The following TELO2 variants were observed in gnomAD, a reference collection of about 807,000 sequenced individuals.
The protein encoded by TELO2 is telomere length regulation protein TEL2 homolog.
In TELO2, 71 loss-of-function variants were observed where a neutral mutation model predicts 91.0. The observed-to-expected ratio is 0.78, with a 90% CI of 0.64 to 0.95. The LOEUF (loss-of-function observed/expected upper bound fraction) is 0.95, where lower values mean the gene tolerates loss of function less well. Among genes scored for constraint, TELO2 ranks in the 40% least tolerant of loss-of-function variants. TELO2 has a pLI of 0.00. For synonymous variants in TELO2, 584 were observed against 518.9 expected (o/e 1.13, Z -1.71); for missense variants, 1,183 against 1,141.3 (o/e 1.04, Z -0.53).
chr16:1,500,801 C>G (rs1334040103), intron 9 of TELO2, 102 bp downstream of exon 9: 1 of 1,505,582 alleles, frequency 6.6e-7, no homozygotes, highest in Admixed American at 2.1e-5. Flanking sequence ...GGGGTCCAGA[C>G]TTGCGGAGCG....
Position 1,497,895 on chromosome 16 carries a change from A to C in TELO2, c.830+387A>C, listed in dbSNP as rs999747447. On this transcript the variant is annotated intron_variant, in intron 5 of 20. Transcript: ENST00000262319. The surrounding 1 kb of genome is among the most constrained non-coding windows in gnomAD (Gnocchi z 4.0). ...GGAGAATCAAGGTTGCATTTCTGGA[A>C]GCAGGACTGCCGGCCATTTACCCCC... Among the ~76,000 whole-genome samples, 2 of 152,138 alleles carry C rather than the reference A, an allele frequency of 1.3e-5. No individual in the cohort carries two copies. Among genetic ancestry groups the C allele is most frequent in the Admixed American group, 6.6e-5 (1 of 15,264 alleles).
At chr16:1,502,289 G>A (rs776417005) in intron 12 of TELO2, 24 bp from the exon 13 acceptor site, 6 of 1,585,750 alleles carry the variant, frequency 3.8e-6, no homozygotes, top group African/African-American at 2.7e-5. Flanking sequence ...GAGGCTGACC[G>A]AGGCCTCTCT....
At position 1,509,840 on chromosome 16, in the gene TELO2, G is replaced by C. The variant is rs771992003; in HGVS notation, c.2418G>C (p.Glu806Asp). ...ACTCTCGTCTGGCAGACGTGGCTGAGAAAGACCCGGACGAGGACTGCAGGA... is the reference window on the plus strand; with the variant it reads ...ACTCTCGTCTGGCAGACGTGGCTGACAAAGACCCGGACGAGGACTGCAGGA... ...EARSWLADVA[E>D]KDPDEDCRTL... The change falls in exon 21 of 21, where the codon GAG becomes GAC. Residue 806 changes from glutamate (E) to aspartate (D), a missense_variant. Glu to Asp is a conservative substitution (Grantham distance 45). Transcript: ENST00000262319. 1.2e-6 allele frequency: 2 copies of C among 1,611,848 alleles called. No individual in the cohort carries two copies. The highest frequency in any genetic ancestry group is 1.7e-5 in the Admixed American group (1 of 59,926).
chr16:1,497,622 T>A lies in TELO2; in HGVS notation c.830+114T>A. On this transcript the variant is annotated intron_variant, in intron 5 of 20. Transcript: ENST00000262319. The surrounding 1 kb of genome is among the most constrained non-coding windows in gnomAD (Gnocchi z 4.0). ...CGCCGTGCTGCAGCTGGCACCCCCA[T>A]GTAGGTGCCACAGGGTGTGGGTGGT... 1 of 1,392,284 alleles carries A rather than the reference T, an allele frequency of 7.2e-7. No homozygotes were observed. Among genetic ancestry groups the A allele is most frequent in the Non-Finnish European group, 9.5e-7 (1 of 1,050,794 alleles). The allele number at this position is 1,392,284 out of a possible 1,614,324, so 86.2% of individuals were successfully genotyped here. A position where few individuals can be genotyped will look rare whatever the true frequency, so the allele number is the denominator to read the frequency against.
chr16:1,500,290 C>G, intron 7 of TELO2, 57 bp from the exon 8 acceptor site: 1 of 1,534,172 alleles, frequency 6.5e-7, no homozygotes, highest in Non-Finnish European at 8.8e-7. Context: ...GGCTGTGGGC[C>G]TGGCGGGGAC....
chr16:1,505,477 C>T lies in TELO2; in HGVS notation c.1910C>T (p.Ser637Phe). The change falls in exon 16 of 21, where the codon TCC becomes TTC. Residue 637 changes from serine to phenylalanine, a missense_variant. By Grantham distance (155) the Ser-to-Phe change is radical (BLOSUM62 -2). Transcript: ENST00000262319. The surrounding 1 kb of genome is among the most constrained non-coding windows in gnomAD (Gnocchi z 4.3). ...GCLGRTPQPG[S>F]PSPNTPCLPE... The stretch of plus-strand genomic sequence containing the variant: ...CTCGGGAGGACTCCCCAACCTGGCT[C>T]CCCAAGTCCCAACACCCCGTGCCTG... 1 of 1,613,160 alleles carries T rather than the reference C, an allele frequency of 6.2e-7. No homozygotes were observed. The highest frequency in any genetic ancestry group is 8.5e-7 in the Non-Finnish European group (1 of 1,180,014).
At chr16:1,499,106 G>A (rs1198082606) in intron 5 of TELO2, 125 bp from the exon 6 acceptor site, 1 of 892,950 alleles carries the variant, frequency 1.1e-6, no homozygotes, top group African/African-American at 1.6e-5. Flanking sequence ...TGGAACCAGA[G>A]GCTCGTGGCT....
At position 1,499,296 on chromosome 16, in the gene TELO2, T is replaced by C. The variant is rs1381222589; in HGVS notation, c.896T>C (p.Met299Thr). 4.3e-6 allele frequency: 7 copies of C among 1,613,904 alleles called. No individual in the cohort carries two copies. The Admixed American group carries it at 6.7e-5, about 15-fold the overall frequency. ...VVKNKKAQFV[M>T]TQKLLFLQSR... ...AAGAACAAGAAGGCCCAGTTTGTGA[T>C]GACCCAGAAGCTTCTGTTCTTACAG... Residue 299 changes from methionine to threonine, a missense_variant, in exon 6 of 21, where the codon ATG becomes ACG. By Grantham distance (81) the Met-to-Thr change is moderately conservative. Transcript: ENST00000262319.
intron 20 of TELO2, 66 bp downstream of exon 20, chr16:1,507,782 G>T: frequency 7.7e-7 from 1 of 1,293,270 alleles, no homozygotes; most frequent in Non-Finnish European, 1.0e-6. Context: ...GTATGTGTGT[G>T]TGTGTGTGTG....
intron 3 of TELO2, among the ~76,000 whole-genome samples, chr16:1,496,397 C>T (rs1466508267): frequency 6.6e-6 from 1 of 152,252 alleles, no homozygotes; most frequent in Non-Finnish European, 1.5e-5. Context: ...TGAGCCCCTC[C>T]TGTCTTTTCC....
rs1340157275 is a variant in TELO2 at position 1,494,603 on chromosome 16, G to C, written c.322G>C (p.Glu108Gln). Residue 108 changes from glutamate to glutamine, a missense_variant, in exon 2 of 21, where the codon GAG becomes CAG. Transcript: ENST00000262319. The surrounding 1 kb of genome is among the most constrained non-coding windows in gnomAD (Gnocchi z 5.6). Reference protein sequence around the residue: ...QAFLVLMETIEGAAGPSFRLM... With the variant: ...QAFLVLMETIQGAAGPSFRLM... ...CTTCCTGGTGTTGATGGAGACCATC[G>C]AGGGTGCTGCGGGGTGAGTGGGCTG... 6.2e-7 allele frequency: 1 copy of C among 1,612,686 alleles called. No individual in the cohort carries two copies. The highest frequency in any genetic ancestry group is 1.7e-5 in the Admixed American group (1 of 59,934).
At chr16:1,506,125 GA>G in intron 16 of TELO2, 112 bp from the exon 17 acceptor site, 1 of 1,171,992 alleles carries the variant, frequency 8.5e-7, no homozygotes, top group Non-Finnish European at 1.2e-6. Flanking sequence ...GTAGCCCGGG[GA>G]GGCAAGGCGA....
In TELO2 at chr16:1,507,543, A is replaced by T; in HGVS notation, c.2292-58A>T. Reference sequence around the variant, plus strand: ...GTGGGTGGTCTGCCACACTGAGGGGAGTGGGAGGTCTGGGGTGTGGTCCCT... The same window carrying T: ...GTGGGTGGTCTGCCACACTGAGGGGTGTGGGAGGTCTGGGGTGTGGTCCCT... On this transcript the variant is annotated intron_variant, in intron 19 of 20. Coordinates refer to ENST00000262319, the MANE Select transcript of TELO2 (RefSeq NM_016111.4). 3 of 1,507,590 alleles carry T rather than the reference A, an allele frequency of 2.0e-6. No homozygotes were observed. In the South Asian group the frequency reaches 3.6e-5, roughly 18 times the overall value. 93.4% of individuals were successfully genotyped at this position (1,507,590 alleles called of 1,614,324 possible). A position where few individuals can be genotyped will look rare whatever the true frequency, so the allele number is the denominator to read the frequency against.
intron 9 of TELO2, among the ~76,000 whole-genome samples, chr16:1,500,933 C>T (rs550246506): frequency 5.1e-4 from 77 of 152,364 alleles, no homozygotes; most frequent in African/African-American, 1.7e-3. Context: ...TGGACACGTT[C>T]ACAGACTCTC....
At chr16:1,503,175 C>T (rs945309513) in intron 15 of TELO2, among the ~76,000 whole-genome samples, 173 bp downstream of exon 15, 6 of 152,154 alleles carry the variant, frequency 3.9e-5, no homozygotes, top group African/African-American at 9.7e-5. Context: ...TCAGGGCTCC[C>T]GGGGCAGAGA....
At chr16:1,509,341 C>G (rs192067757) in intron 20 of TELO2, among the ~76,000 whole-genome samples, 4 of 152,190 alleles carry the variant, frequency 2.6e-5, no homozygotes, top group Non-Finnish European at 5.9e-5. Context: ...CAGAGCCCCC[C>G]CAAGGCTCCC....
chr16:1,510,275 C>T lies in TELO2; in HGVS notation c.*339C>T, dbSNP rs527332550. On this transcript the variant is annotated 3_prime_UTR_variant, in exon 21 of 21. Coordinates refer to ENST00000262319, the MANE Select transcript of TELO2 (RefSeq NM_016111.4). ...CCTGCTGCTCAGAGCCCCCAAGGCT[C>T]TCCTCTGAGAGCCACCAAGCAGGAC... 9.0e-4 allele frequency: 320 copies of T among 355,022 alleles called. 1 individual carries two copies. Among genetic ancestry groups the T allele is most frequent in the Middle Eastern group, 1.8e-3 (2 of 1,090 alleles). 22.0% of individuals were successfully genotyped at this position (355,022 alleles called of 1,614,324 possible).
In TELO2 at chr16:1,510,043, C is replaced by A. The variant is rs922343477; in HGVS notation, c.*107C>A. 1.1e-6 allele frequency: 1 copy of A among 949,524 alleles called. No homozygotes were observed. Among genetic ancestry groups the A allele is most frequent in the Non-Finnish European group, 1.6e-6 (1 of 627,778 alleles). 58.8% of individuals were successfully genotyped at this position (949,524 alleles called of 1,614,324 possible). On this transcript the variant is annotated 3_prime_UTR_variant, in exon 21 of 21. Coordinates refer to ENST00000262319, the MANE Select transcript of TELO2 (RefSeq NM_016111.4). ...TTTGTAGCGAGGCCAGGTCTTCGGC[C>A]GCATCCGGTACGGAGAGTGCAGATG... is the stretch of plus-strand genomic sequence containing the variant.
chr16:1,499,448 C>A, intron 6 of TELO2, 115 bp downstream of exon 6: 1 of 1,174,230 alleles, frequency 8.5e-7, no homozygotes, highest in Non-Finnish European at 1.2e-6. Flanking sequence ...TGTGATTTGG[C>A]AGTGGCTGGC....
Sources: allele counts gnomAD v4.1 joint callset (sites outside exome capture counted in the v4.1 genomes callset), GRCh38; gene constraint gnomAD v4.1.1; non-coding constraint Gnocchi (gnomAD v3.1); transcripts MANE v1.5; gene names NCBI Gene and HGNC (gene_info 2026-07-23, HGNC 2026-07-21).